FER1L5: variants seen among roughly 807,000 people sequenced by gnomAD.
FER1L5 encodes the protein fer-1-like protein 5.
A neutral mutation model predicts 279.9 loss-of-function variants in FER1L5; 187 were observed. That is an observed-to-expected ratio of 0.67 (90% confidence interval 0.59 to 0.75). The LOEUF is 0.75. Ranked by LOEUF, FER1L5 falls within the 30% of genes least tolerant of loss-of-function variation. FER1L5 has a pLI of 0.00. For missense variants in FER1L5, 2,091 were observed against 2,594.4 expected (o/e 0.81, Z 4.21); for synonymous variants, 921 against 989.7 (o/e 0.93, Z 1.30).
chr2:96,699,994 AGCGGAAAGG>A lies in FER1L5; in HGVS notation c.4847_4855del (p.Arg1616_Gly1618del). The A allele has an allele frequency of 6.2e-7, 1 of 1,614,004 alleles. No individual in the cohort carries two copies. Among genetic ancestry groups the A allele is most frequent in the Non-Finnish European group, 8.5e-7 (1 of 1,179,890 alleles). On this transcript the variant is annotated inframe_deletion, in exon 44 of 53. Coordinates refer to ENST00000624922, the MANE Select transcript of FER1L5 (RefSeq NM_001293083.2). Reference sequence around the variant, plus strand: ...AGCTACCTCCTAGAACGCTATGCCAAGCGGAAAGGGCTACCTCCGCCTCTGTTCAGTCCT... The same window carrying A: ...AGCTACCTCCTAGAACGCTATGCCAAGCTACCTCCGCCTCTGTTCAGTCCT...
intron 19 of FER1L5, among the ~76,000 whole-genome samples, chr2:96,675,056 C>T (rs779068976): frequency 1.8e-4 from 28 of 152,152 alleles, no homozygotes; most frequent in Admixed American, 1.6e-3. Context: ...TGGACTCTTT[C>T]GGTCTGTATT....
chr2:96,679,446 T>A (rs1346893651), intron 19 of FER1L5, among the ~76,000 whole-genome samples: 2 of 152,124 alleles, frequency 1.3e-5, no homozygotes, highest in Non-Finnish European at 2.9e-5. Context: ...CTGGTCTCGA[T>A]CTCGTGACCT....
intron 9 of FER1L5, 63 bp downstream of exon 9, chr2:96,654,559 G>C (rs1362894643): frequency 2.5e-6 from 1 of 398,340 alleles, no homozygotes; most frequent in African/African-American, 2.1e-5. Flanking sequence ...CCCATGCTGG[G>C]CTCCATGCCC....
intron 13 of FER1L5, 34 bp downstream of exon 13, chr2:96,662,301 T>G (rs1467979326): frequency 6.5e-7 from 1 of 1,547,198 alleles, no homozygotes; most frequent in South Asian, 1.2e-5. Context: ...CCCAGAGAGA[T>G]TGGCATCTAG....
At chr2:96,662,056 G>A (rs2075975006) in intron 12 of FER1L5, among the ~76,000 whole-genome samples, 159 bp from the exon 13 acceptor site, 1 of 152,160 alleles carries the variant, frequency 6.6e-6, no homozygotes, top group African/African-American at 2.4e-5. Flanking sequence ...ATGCCATTGT[G>A]TGGAAGAAGA....
At chr2:96,697,625 C>A (rs773633965) in intron 38 of FER1L5, 35 bp from the exon 39 acceptor site, 1 of 1,613,950 alleles carries the variant, frequency 6.2e-7, no homozygotes, top group Non-Finnish European at 8.5e-7. Context: ...GGGGCTGCCC[C>A]TGCCCGAGGC....
rs2077700508 is a variant in FER1L5 at position 96,704,221 on chromosome 2, C to T, written c.5808C>T (p.Thr1936=). The change falls in exon 52 of 53, where the codon ACC becomes ACT. Residue 1936 remains threonine, a synonymous_variant. Coordinates refer to ENST00000624922, the MANE Select transcript of FER1L5 (RefSeq NM_001293083.2). ...CTCCCTGGCTCCTGGACAGACGCAC[C>T]AACACCTCTTTCACGTGGCTGCGGT... ...QYPTLHPPLR[T]NTSFTWLRSP... The T allele has an allele frequency of 6.2e-7, 1 of 1,613,812 alleles. No homozygotes were observed. Among genetic ancestry groups the T allele is most frequent in the Admixed American group, 1.7e-5 (1 of 59,994 alleles).
intron 14 of FER1L5, among the ~76,000 whole-genome samples, chr2:96,667,058 A>G (rs150543330): frequency 6.6e-5 from 10 of 152,260 alleles, no homozygotes; most frequent in African/African-American, 2.4e-4. Flanking sequence ...TTACTATGTG[A>G]CCTTGAGCAA....
chr2:96,700,108 G>A, intron 44 of FER1L5, 28 bp downstream of exon 44: 1 of 1,612,760 alleles, frequency 6.2e-7, no homozygotes, highest in Non-Finnish European at 8.5e-7. Flanking sequence ...CTAGCAGAAA[G>A]CACAGACACA....
chr2:96,652,116 C>T (rs2075407558), intron 7 of FER1L5, 96 bp downstream of exon 7: 1 of 1,502,544 alleles, frequency 6.7e-7, no homozygotes. Context: ...AGGGTGTCTT[C>T]ATGTGTTTGT....
chr2:96,695,518 TG>T lies in FER1L5; in HGVS notation c.3755del (p.Gly1252AlafsTer5). The T allele has an allele frequency of 1.3e-6, 2 of 1,589,652 alleles. No homozygotes were observed. Among genetic ancestry groups the T allele is most frequent in the Non-Finnish European group, 8.6e-7 (1 of 1,168,664 alleles). ...TTCTTTGTTCTGGTAGATCCTGGCCTGGGGCCTTCGGAACATGAAGAAGGCG... is the reference window on the plus strand; with the variant it reads ...TTCTTTGTTCTGGTAGATCCTGGCCTGGGCCTTCGGAACATGAAGAAGGCG... ...IKRMAIEILAWGLRNMKKASS... is the reference protein window; with the variant it reads ...IKRMAIEILAXGLRNMKKASS... On this transcript the variant is annotated frameshift_variant, in exon 35 of 53. Coordinates refer to ENST00000624922, the MANE Select transcript of FER1L5 (RefSeq NM_001293083.2). LOFTEE classifies it high-confidence loss of function.
intron 23 of FER1L5, 93 bp from the exon 24 acceptor site, chr2:96,687,723 G>T: frequency 6.6e-7 from 1 of 1,509,574 alleles, no homozygotes; most frequent in Non-Finnish European, 8.9e-7. Flanking sequence ...AGGGCTCAGG[G>T]GGGAAGGGGC....
At chr2:96,683,973 G>A (rs995136779) in intron 19 of FER1L5, among the ~76,000 whole-genome samples, 6 of 152,062 alleles carry the variant, frequency 3.9e-5, no homozygotes, top group Non-Finnish European at 7.4e-5. Context: ...CCCTACACCT[G>A]GCATCTCGCT....
At position 96,663,519 on chromosome 2, in the gene FER1L5, CCAT is replaced by C. The variant is rs1261612061; in HGVS notation, c.1140+16_1140+18del. ...CCTTCCGGATTCAGGTATGGCTCCTCCATCATGCCCACCCTTCTCCCACATCCC... is the reference window on the plus strand; with the variant it reads ...CCTTCCGGATTCAGGTATGGCTCCTCCATGCCCACCCTTCTCCCACATCCC... On this transcript the variant is annotated intron_variant, in intron 14 of 52. Transcript: ENST00000624922. The C allele has an allele frequency of 1.2e-5, 18 of 1,551,206 alleles. No individual in the cohort carries two copies. The highest frequency in any genetic ancestry group is 1.5e-5 in the Non-Finnish European group (17 of 1,146,712).
At chr2:96,682,104 C>T (rs530494338) in intron 19 of FER1L5, among the ~76,000 whole-genome samples, 7 of 126,984 alleles carry the variant, frequency 5.5e-5, no homozygotes, top group Non-Finnish European at 8.5e-5. Flanking sequence ...TTGCTGTTTT[C>T]GAGGTGGAGT....
chr2:96,649,843 A>G (rs1573773426), intron 5 of FER1L5, among the ~76,000 whole-genome samples, 166 bp downstream of exon 5: 1 of 152,346 alleles, frequency 6.6e-6, no homozygotes, highest in East Asian at 1.9e-4. Flanking sequence ...CCAGATCTCC[A>G]GACATCTGGC....
chr2:96,660,487 G>A, intron 10 of FER1L5, 116 bp downstream of exon 10: 5 of 879,910 alleles, frequency 5.7e-6, no homozygotes, highest in Non-Finnish European at 9.0e-6. Context: ...ATTAGAGATT[G>A]TAAATTATTT....
Position 96,687,860 on chromosome 2 carries a change from C to T in FER1L5, c.2274C>T (p.Leu758=), listed in dbSNP as rs1420775207. ...EGQKDVLPAH[L]RVCMWLGNVT... ...AGAAGGATGTGCTCCCAGCTCACCT[C>T]CGGGTCTGCATGTGGCTTGGCAATG... The change falls in exon 24 of 53, where the codon CTC becomes CTT. Residue 758 remains leucine, a synonymous_variant. Coordinates refer to ENST00000624922, the MANE Select transcript of FER1L5 (RefSeq NM_001293083.2). 9 of 1,551,306 alleles carry T rather than the reference C, an allele frequency of 5.8e-6. No individual in the cohort carries two copies. Among genetic ancestry groups the T allele is most frequent in the African/African-American group, 1.4e-5 (1 of 73,166 alleles).
chr2:96,678,856 T>C (rs1307372349), intron 19 of FER1L5, among the ~76,000 whole-genome samples: 2 of 152,272 alleles, frequency 1.3e-5, no homozygotes, highest in Non-Finnish European at 2.9e-5. Context: ...ATTCATTATA[T>C]ATTCTGCATA....
Sources: allele counts gnomAD v4.1 joint callset (sites outside exome capture counted in the v4.1 genomes callset), GRCh38; gene constraint gnomAD v4.1.1; transcripts MANE v1.5; gene names NCBI Gene and HGNC (gene_info 2026-07-23, HGNC 2026-07-21).